The following KLF8 variants were observed in gnomAD, a reference collection of about 807,000 sequenced individuals.
KLF8 encodes KLF transcription factor 8, also known as Krueppel-like factor 8.
In KLF8, 10 loss-of-function variants were observed where a neutral mutation model predicts 18.2. The observed-to-expected ratio is 0.55, with a 90% CI of 0.34 to 0.93. KLF8 has a LOEUF of 0.93. KLF8 is among the 40% of genes least tolerant of loss of function. The pLI, the probability that KLF8 is intolerant of heterozygous loss-of-function variation, is 0.02. For missense variants in KLF8, 264 were observed against 277.9 expected (o/e 0.95, Z 0.36); for synonymous variants, 109 against 97.3 (o/e 1.12, Z -0.71).
chrX:56,105,180 T>A, the KLF8 span, among the ~76,000 whole-genome samples: 1 of 111,867 alleles, frequency 8.9e-6, no homozygotes, highest in Non-Finnish European at 1.9e-5. Context: ...CTGAGAAGAA[T>A]GTATATTCTG....
chrX:56,201,794 T>A, the KLF8 span, among the ~76,000 whole-genome samples: 1 of 111,467 alleles, frequency 9.0e-6, no homozygotes, highest in South Asian at 3.8e-4. Flanking sequence ...TAAATTAAAA[T>A]TACATTAATA....
At chrX:56,167,826 C>T in the KLF8 span, among the ~76,000 whole-genome samples, 3 of 112,249 alleles carry the variant, frequency 2.7e-5, no homozygotes, top group African/African-American at 9.7e-5. Flanking sequence ...AATGTACTAC[C>T]TCTTGATGAC....
At chrX:56,107,226 G>T in the KLF8 span, among the ~76,000 whole-genome samples, 13 of 112,224 alleles carry the variant, frequency 1.2e-4, no homozygotes, top group African/African-American at 3.9e-4. Flanking sequence ...CAAACGCTTT[G>T]CTGGGAGAAC....
the KLF8 span, among the ~76,000 whole-genome samples, chrX:56,032,461 G>C: frequency 9.0e-6 from 1 of 111,460 alleles, no homozygotes; most frequent in East Asian, 2.8e-4. Flanking sequence ...ACCTGAAAAG[G>C]CTCCCTTGTG....
the KLF8 span, among the ~76,000 whole-genome samples, chrX:56,163,016 C>T: frequency 8.9e-6 from 1 of 112,160 alleles, no homozygotes. Flanking sequence ...TAGGTGGATT[C>T]TATGTCTTTG....
chrX:56,014,024 TAAAA>T, the KLF8 span, among the ~76,000 whole-genome samples: 1 of 111,496 alleles, frequency 9.0e-6, no homozygotes, highest in African/African-American at 3.3e-5. Context: ...CCTGAAACTA[TAAAA>T]ATCCTAAAAG....
At chrX:55,941,403 A>C in the KLF8 span, among the ~76,000 whole-genome samples, 1 of 111,880 alleles carries the variant, frequency 8.9e-6, no homozygotes, top group Admixed American at 9.5e-5. Flanking sequence ...GTTAGACCTA[A>C]AACCATAAAA....
chrX:55,998,257 T>G, the KLF8 span, among the ~76,000 whole-genome samples: 1 of 110,684 alleles, frequency 9.0e-6, no homozygotes, highest in Admixed American at 9.5e-5. Flanking sequence ...TGCCTTCCTC[T>G]TGTCTCAACT....
the KLF8 span, among the ~76,000 whole-genome samples, chrX:56,140,777 T>A: frequency 2.8e-4 from 7 of 25,033 alleles, no homozygotes; most frequent in African/African-American, 5.1e-4. Context: ...AAGAAAAAAA[T>A]GAAAACGCTG....
upstream of KLF8, among the ~76,000 whole-genome samples, chrX:56,227,947 G>A: frequency 9.3e-6 from 1 of 107,137 alleles, no homozygotes; most frequent in Non-Finnish European, 1.9e-5. Flanking sequence ...CATAAAGATA[G>A]CAGCCTGAGG....
chrX:56,134,764 C>A, the KLF8 span, among the ~76,000 whole-genome samples: 1 of 109,707 alleles, frequency 9.1e-6, no homozygotes. Context: ...TCTGACAAGA[C>A]TAATATCCAG....
At chrX:55,940,746 C>T in the KLF8 span, among the ~76,000 whole-genome samples, 1 of 111,052 alleles carries the variant, frequency 9.0e-6, no homozygotes, top group Non-Finnish European at 1.9e-5. Context: ...AGACAGAGAG[C>T]CAAATCATGA....
chrX:55,998,320 C>T, the KLF8 span, among the ~76,000 whole-genome samples: 22 of 111,272 alleles, frequency 2.0e-4, no homozygotes, highest in Admixed American at 4.7e-4. Flanking sequence ...AGACCCTTTA[C>T]GGGTGTCGGG....
At chrX:56,180,456 A>G in the KLF8 span, among the ~76,000 whole-genome samples, 80 of 109,310 alleles carry the variant, frequency 7.3e-4, no homozygotes, top group African/African-American at 2.4e-3. Context: ...TTGTGTCTCT[A>G]TCTCCTTCAG....
chrX:56,197,527 G>A, the KLF8 span, among the ~76,000 whole-genome samples: 3 of 111,552 alleles, frequency 2.7e-5, no homozygotes, highest in African/African-American at 9.8e-5. Context: ...ACCCTCCCAA[G>A]ACTAAATCAG....
At chrX:56,013,551 A>T in the KLF8 span, among the ~76,000 whole-genome samples, 1 of 111,761 alleles carries the variant, frequency 8.9e-6, no homozygotes. Flanking sequence ...ATCTCATCTC[A>T]TTGAATTGTG....
At chrX:55,988,121 T>G in the KLF8 span, among the ~76,000 whole-genome samples, 5 of 111,802 alleles carry the variant, frequency 4.5e-5, no homozygotes, top group East Asian at 5.6e-4. Flanking sequence ...AGATGAGTAG[T>G]TTGCAAAAAT....
the KLF8 span, among the ~76,000 whole-genome samples, chrX:56,111,688 C>T: frequency 4.5e-5 from 5 of 111,953 alleles, no homozygotes; most frequent in East Asian, 1.4e-3. Context: ...ACAGACACTT[C>T]TCAAAAGAAG....
At chrX:55,925,934 A>G in the KLF8 span, among the ~76,000 whole-genome samples, 1 of 112,069 alleles carries the variant, frequency 8.9e-6, no homozygotes, top group African/African-American at 3.2e-5. Flanking sequence ...TGGTACAGAC[A>G]TGCAATACGT....
Sources: allele counts gnomAD v4.1 joint callset (sites outside exome capture counted in the v4.1 genomes callset), GRCh38; gene constraint gnomAD v4.1.1; transcripts MANE v1.5; gene names NCBI Gene and HGNC (gene_info 2026-07-23, HGNC 2026-07-21).